GSE1: variants seen among roughly 807,000 people sequenced by gnomAD.
GSE1 encodes the protein genetic suppressor element 1.
A neutral mutation model predicts 112.6 loss-of-function variants in GSE1; 32 were observed. The observed-to-expected ratio is 0.28, with a 90% CI of 0.21 to 0.38. GSE1 has a LOEUF of 0.38. GSE1 is among the 10% of genes least tolerant of loss of function. The pLI is 1.00. For missense variants in GSE1, 2,348 were observed against 1,699.2 expected, an observed-to-expected ratio of 1.38 and a Z score of -6.71; for synonymous variants, 1,115 against 735.6, an observed-to-expected ratio of 1.52 and a Z score of -8.35.
At chr16:85,391,873 C>G (rs960635468) in intron 2 of GSE1, among the ~76,000 whole-genome samples, 1 of 152,172 alleles carries the variant, frequency 6.6e-6, no homozygotes, top group Non-Finnish European at 1.5e-5. Flanking sequence ...ACTTGCTATG[C>G]TGGAACGTGT....
chr16:85,657,344 C>A lies in GSE1; in HGVS notation c.1380C>A (p.Thr460=), dbSNP rs1374568987. ...AACACCCCTTGCATCCGGTGCCCAC[C>A]CCACACCACACGGTGCCCAGCCTCA... ...PVQHPLHPVP[T]PHHTVPSLIS... The change falls in exon 8 of 16, where the codon ACC becomes ACA. Residue 460 remains threonine (T), a synonymous_variant. Transcript: ENST00000253458. The A allele has an allele frequency of 1.9e-6, 3 of 1,610,846 alleles. No individual in the cohort carries two copies. The highest frequency in any genetic ancestry group is 2.5e-6 in the Non-Finnish European group (3 of 1,179,276).
At chr16:85,442,793 T>G (rs1251893944) in intron 2 of GSE1, among the ~76,000 whole-genome samples, 2 of 152,180 alleles carry the variant, frequency 1.3e-5, no homozygotes, top group Non-Finnish European at 2.9e-5. Context: ...ATGCCGTGGT[T>G]GGAAATGACA....
At chr16:85,484,124 G>A (rs527995479) in intron 2 of GSE1, among the ~76,000 whole-genome samples, 8 of 152,356 alleles carry the variant, frequency 5.3e-5, no homozygotes, top group South Asian at 2.1e-4. Context: ...CAGTTATGCC[G>A]TGCAGGAATA....
At chr16:85,591,029 T>A (rs994744196) in intron 1 of GSE1, among the ~76,000 whole-genome samples, 4 of 152,198 alleles carry the variant, frequency 2.6e-5, no homozygotes, top group African/African-American at 9.7e-5. Context: ...TTGAGGTGCC[T>A]GTGTCCCGAG....
intron 2 of GSE1, among the ~76,000 whole-genome samples, chr16:85,458,992 T>C (rs1391754691): frequency 6.6e-6 from 1 of 152,120 alleles, no homozygotes; most frequent in Non-Finnish European, 1.5e-5. Flanking sequence ...CCCTCCCCAC[T>C]CTCAGGAGTA....
chr16:85,630,696 C>A (rs988304362), intron 1 of GSE1, among the ~76,000 whole-genome samples: 1 of 152,188 alleles, frequency 6.6e-6, no homozygotes, highest in Non-Finnish European at 1.5e-5. Context: ...GCCTTCTGAT[C>A]GGGTGCCATG....
intron 1 of GSE1, among the ~76,000 whole-genome samples, chr16:85,356,003 G>C (rs1214963616): frequency 2.0e-5 from 3 of 152,106 alleles, no homozygotes; most frequent in Admixed American, 2.0e-4. Flanking sequence ...CTCCAGCCTG[G>C]GTGACAGAGT....
At chr16:85,595,964 C>CCATTCCACTATCCACCCACT (rs2047208658) in intron 1 of GSE1, among the ~76,000 whole-genome samples, 1 of 144,434 alleles carries the variant, frequency 6.9e-6, no homozygotes, top group East Asian at 2.1e-4. Flanking sequence ...GCCCTCCCAC[C>CCATTCCACTATCCACCCACT]CATTCCTCTA....
At position 85,672,436 on chromosome 16, in the gene GSE1, C is replaced by T. The variant is rs1347092437; in HGVS notation, c.3551C>T (p.Ser1184Leu). The change falls in exon 16 of 16, where the codon TCA (serine) becomes TTA (leucine). Residue 1184 changes from serine to leucine, a missense_variant. Transcript: ENST00000253458. ...AGGAGCCAGAAACAGAAGATGGTCT[C>T]AGAAAGGGAGCGGCTCCAGGCAGAA... ...ELRSQKQKMVSERERLQAELD... is the reference protein window; with the variant it reads ...ELRSQKQKMVLERERLQAELD... The T allele has an allele frequency of 3.1e-6, 5 of 1,611,848 alleles. No individual in the cohort carries two copies. The African/African-American group carries it at 4.0e-5, about 13-fold the overall frequency.
At chr16:85,399,813 G>C (rs1049184588) in intron 2 of GSE1, among the ~76,000 whole-genome samples, 2 of 151,862 alleles carry the variant, frequency 1.3e-5, no homozygotes, top group Non-Finnish European at 2.9e-5. Context: ...AAGAGCCCCT[G>C]GCAGGTGGTG....
intron 1 of GSE1, among the ~76,000 whole-genome samples, chr16:85,182,756 G>A (rs538494179): frequency 1.6e-4 from 24 of 152,158 alleles, no homozygotes; most frequent in East Asian, 3.9e-4. Context: ...GCTGGGAGCC[G>A]CCTGCGTGGG....
At chr16:85,253,421 G>C (rs1217016673) in intron 1 of GSE1, among the ~76,000 whole-genome samples, 2 of 152,186 alleles carry the variant, frequency 1.3e-5, no homozygotes, top group Non-Finnish European at 2.9e-5. Flanking sequence ...AAATGGGGTG[G>C]GGTCTCCAGG....
At chr16:85,556,360 C>G in exon 1 of GSE1, 2 of 984,602 alleles carry the variant, frequency 2.0e-6, no homozygotes, top group Non-Finnish European at 2.4e-6. Context: ...GTATTACTTA[C>G]CAGGTAAGCG....
At chr16:85,434,254 C>G (rs1273614142) in intron 2 of GSE1, among the ~76,000 whole-genome samples, 3 of 151,854 alleles carry the variant, frequency 2.0e-5, no homozygotes, top group African/African-American at 7.3e-5. Context: ...ACAGCCCCTC[C>G]TGCCCCATGA....
At chr16:85,655,542 C>T (rs1426509967) in intron 5 of GSE1, among the ~76,000 whole-genome samples, 184 bp from the exon 6 acceptor site, 2 of 152,208 alleles carry the variant, frequency 1.3e-5, no homozygotes, top group East Asian at 3.9e-4. Context: ...GCTGTCGGCA[C>T]CTAGCAGCCT....
chr16:85,193,580 C>T (rs559493952), intron 1 of GSE1, among the ~76,000 whole-genome samples: 1 of 152,292 alleles, frequency 6.6e-6, no homozygotes. Flanking sequence ...CTGCCTCAGC[C>T]TCCCGAGTAG....
At chr16:85,555,890 C>A, upstream of GSE1, 1 of 809,636 alleles carries the variant, frequency 1.2e-6, no homozygotes, top group Non-Finnish European at 1.5e-6. Flanking sequence ...TCACCCTCAC[C>A]TCCCCCCTTT....
intron 2 of GSE1, among the ~76,000 whole-genome samples, chr16:85,511,324 C>G (rs1305711421): frequency 6.6e-6 from 1 of 152,158 alleles, no homozygotes; most frequent in Admixed American, 6.5e-5. Context: ...ATCAGGAGTT[C>G]GAGACCAGCC....
chr16:85,300,652 G>A (rs564238803), intron 1 of GSE1, among the ~76,000 whole-genome samples: 1 of 152,206 alleles, frequency 6.6e-6, no homozygotes, highest in Non-Finnish European at 1.5e-5. Flanking sequence ...ATAGTCCATG[G>A]AGTGGTCCGA....
Sources: allele counts gnomAD v4.1 joint callset (sites outside exome capture counted in the v4.1 genomes callset), GRCh38; gene constraint gnomAD v4.1.1; transcripts MANE v1.5; gene names NCBI Gene and HGNC (gene_info 2026-07-23, HGNC 2026-07-21).